The following ELL2 variants were observed in gnomAD, a reference collection of about 807,000 sequenced individuals.
ELL2 encodes the protein RNA polymerase II elongation factor ELL2.
Under a neutral mutation model 72.8 loss-of-function variants are expected in ELL2, and 21 were observed. The observed-to-expected ratio is 0.29, with a 90% CI of 0.20 to 0.42. The LOEUF (loss-of-function observed/expected upper bound fraction) is 0.42. Ranked by LOEUF, ELL2 falls within the 10% of genes least tolerant of loss-of-function variation. ELL2 has a pLI of 1.00. For synonymous variants in ELL2, 266 were observed against 283.2 expected, an observed-to-expected ratio of 0.94 and a Z score of 0.61; for missense variants, 568 against 772.8, an observed-to-expected ratio of 0.73 and a Z score of 3.14.
Position 95,961,668 on chromosome 5 carries a change from C to A in ELL2, c.54G>T (p.Ser18=). 1.2e-6 allele frequency: 2 copies of A among 1,609,144 alleles called. No homozygotes were observed. The highest frequency in any genetic ancestry group is 1.3e-5 in the African/African-American group (1 of 74,128). Reference sequence around the variant, plus strand: ...TGTTGTCCTGCCCCAGCCGTCCGCACGACAGCCCATAGCGCTGCTCCTCCC... The same window carrying A: ...TGTTGTCCTGCCCCAGCCGTCCGCAAGACAGCCCATAGCGCTGCTCCTCCC... The part of the protein sequence containing the change: ...GLREEQRYGL[S]CGRLGQDNIT... The change falls in exon 1 of 12, where the codon TCG becomes TCT. Residue 18 remains serine, a synonymous_variant. Transcript: ENST00000237853.
chr5:95,899,119 C>A (rs1420618924), intron 7 of ELL2, among the ~76,000 whole-genome samples: 3 of 152,148 alleles, frequency 2.0e-5, no homozygotes, highest in African/African-American at 7.2e-5. Flanking sequence ...TACAGCTTTA[C>A]CCTAAGTTCC....
At chr5:95,929,282 A>T (rs1481307922) in intron 2 of ELL2, among the ~76,000 whole-genome samples, 1 of 148,056 alleles carries the variant, frequency 6.8e-6, no homozygotes, top group African/African-American at 2.5e-5. Context: ...TTTTTGAGAC[A>T]GAGTCTCGCT....
chr5:95,930,115 T>C (rs1750544154), intron 2 of ELL2, among the ~76,000 whole-genome samples: 1 of 152,234 alleles, frequency 6.6e-6, no homozygotes, highest in African/African-American at 2.4e-5. Flanking sequence ...GTAATTCTTC[T>C]TGTCAAATAG....
At chr5:95,914,048 ATAAC>A in intron 3 of ELL2, 114 bp from the exon 4 acceptor site, 2 of 835,978 alleles carry the variant, frequency 2.4e-6, no homozygotes, top group Non-Finnish European at 3.4e-6. Context: ...CAATCCTAAA[ATAAC>A]TAATATTAAT....
At position 95,898,397 on chromosome 5, in the gene ELL2, T is replaced by C; in HGVS notation, c.1368A>G (p.Ser456=). The C allele has an allele frequency of 6.2e-7, 1 of 1,613,378 alleles. No homozygotes were observed. Among genetic ancestry groups the C allele is most frequent in the Non-Finnish European group, 8.5e-7 (1 of 1,179,866 alleles). Residue 456 remains serine, a synonymous_variant, in exon 8 of 12, where the codon TCA becomes TCG. Coordinates refer to ENST00000237853, the MANE Select transcript of ELL2 (RefSeq NM_012081.6). ...KCPKPMEENH[S]MSHKKSKKKS... ...TCTTTTTGGACTTTTTGTGAGACAT[T>C]GAATGGTTTTCTTCCATAGGCTTTG...
intron 1 of ELL2, among the ~76,000 whole-genome samples, chr5:95,958,219 C>T (rs1339125147): frequency 1.3e-5 from 2 of 152,158 alleles, no homozygotes; most frequent in Non-Finnish European, 2.9e-5. Flanking sequence ...AAACCTCTTC[C>T]CAATTAGCCA....
At chr5:95,917,079 G>T (rs1032811724) in intron 3 of ELL2, among the ~76,000 whole-genome samples, 1 of 152,172 alleles carries the variant, frequency 6.6e-6, no homozygotes, top group African/African-American at 2.4e-5. Context: ...AAATATTTTA[G>T]ACAAATGTAT....
intron 2 of ELL2, among the ~76,000 whole-genome samples, chr5:95,928,034 C>G (rs12514954): frequency 0.036 from 5,472 of 151,694 alleles, 174 homozygotes; most frequent in Admixed American, 0.074. Flanking sequence ...TTTAGAAGAA[C>G]ACAGGTGTCT....
chr5:95,926,459 C>A (rs1750284848), intron 2 of ELL2, among the ~76,000 whole-genome samples: 1 of 151,948 alleles, frequency 6.6e-6, no homozygotes, highest in Admixed American at 6.6e-5. Context: ...GCAGTTATCC[C>A]CAAAATTCAG....
At chr5:95,941,527 T>C (rs1242287206) in intron 2 of ELL2, among the ~76,000 whole-genome samples, 1 of 152,152 alleles carries the variant, frequency 6.6e-6, no homozygotes, top group Non-Finnish European at 1.5e-5. Context: ...CCTGCACATA[T>C]TGGTGCCCCA....
In ELL2 at chr5:95,919,565, G is replaced by A. The variant is rs1749968473; in HGVS notation, c.196-20C>T. 31 of 1,536,560 alleles carry A rather than the reference G, an allele frequency of 2.0e-5. No individual in the cohort carries two copies. The highest frequency in any genetic ancestry group is 2.7e-5 in the Non-Finnish European group (31 of 1,150,992). ...GACAAGCTAAAATGAGGGGAAAAGA[G>A]AGAAACGCCTCAAATTATAAATTTG... is the stretch of plus-strand genomic sequence containing the variant. On this transcript the variant is annotated intron_variant, in intron 2 of 11. Coordinates refer to ENST00000237853, the MANE Select transcript of ELL2 (RefSeq NM_012081.6).
In ELL2 at chr5:95,961,693, C is replaced by T. The variant is rs755518675; in HGVS notation, c.29G>A (p.Arg10Gln). The change falls in exon 1 of 12, where the codon CGG becomes CAG. Residue 10 changes from arginine to glutamine, a missense_variant. Arg to Gln is a conservative substitution (Grantham distance 43). Transcript: ENST00000237853. Reference protein sequence around the residue: MAAGGTGGLREEQRYGLSCG... With the variant: MAAGGTGGLQEEQRYGLSCG... ...CGACAGCCCATAGCGCTGCTCCTCCCGCAGGCCCCCTGTCCCCCCCGCCGC... is the reference window on the plus strand; with the variant it reads ...CGACAGCCCATAGCGCTGCTCCTCCTGCAGGCCCCCTGTCCCCCCCGCCGC... 1.1e-5 allele frequency: 17 copies of T among 1,604,604 alleles called. No individual in the cohort carries two copies. The highest frequency in any genetic ancestry group is 3.4e-5 in the Admixed American group (2 of 59,352).
At chr5:95,892,113 C>T (rs545229448) in intron 9 of ELL2, among the ~76,000 whole-genome samples, 3 of 151,876 alleles carry the variant, frequency 2.0e-5, no homozygotes, top group African/African-American at 7.2e-5. Context: ...TAAATTAAAA[C>T]AGCATTTTAT....
rs541632615 is a variant in ELL2 at position 95,885,152 on chromosome 5, C to A, written c.*3719G>T. The A allele has an allele frequency of 6.6e-6, 1 of 152,350 alleles. No individual in the cohort carries two copies. Among genetic ancestry groups the A allele is most frequent in the Non-Finnish European group, 1.5e-5 (1 of 68,036 alleles). The allele number at this position is 152,350 out of a possible 1,614,324, so 9.4% of individuals were successfully genotyped here. A position where few individuals can be genotyped will look rare whatever the true frequency, so the allele number is the denominator to read the frequency against. The stretch of plus-strand genomic sequence containing the variant: ...AATTGGTGTAGAACAGGGGCAACCA[C>A]AGCTGCTGAGCTCTGTAACAACTGA... On this transcript the variant is annotated 3_prime_UTR_variant, in exon 12 of 12. Transcript: ENST00000237853.
intron 1 of ELL2, among the ~76,000 whole-genome samples, chr5:95,943,354 G>C (rs903655938): frequency 5.9e-5 from 9 of 151,618 alleles, no homozygotes; most frequent in Non-Finnish European, 4.4e-5. Flanking sequence ...ACTTTCTTTT[G>C]CATGTTACTA....
intron 3 of ELL2, among the ~76,000 whole-genome samples, chr5:95,915,962 G>A (rs1749778274): frequency 6.6e-6 from 1 of 151,926 alleles, no homozygotes. Context: ...TAACTCATTT[G>A]TATTGCAGAA....
intron 1 of ELL2, among the ~76,000 whole-genome samples, chr5:95,945,158 T>C (rs1244230855): frequency 6.6e-6 from 1 of 152,214 alleles, no homozygotes; most frequent in Non-Finnish European, 1.5e-5. Context: ...AAACTCACAA[T>C]GGCAGCAAAT....
chr5:95,911,999 T>C (rs1749621841), intron 4 of ELL2, among the ~76,000 whole-genome samples: 1 of 152,154 alleles, frequency 6.6e-6, no homozygotes, highest in South Asian at 2.1e-4. Flanking sequence ...AGGGGAGGTA[T>C]AATTTGGTTC....
intron 3 of ELL2, among the ~76,000 whole-genome samples, chr5:95,914,744 C>T (rs895811675): frequency 1.4e-4 from 21 of 152,186 alleles, no homozygotes; most frequent in African/African-American, 4.6e-4. Flanking sequence ...AGTCAGGAGA[C>T]TGAAGTGGGA....
Sources: allele counts gnomAD v4.1 joint callset (sites outside exome capture counted in the v4.1 genomes callset), GRCh38; gene constraint gnomAD v4.1.1; transcripts MANE v1.5; gene names NCBI Gene and HGNC (gene_info 2026-07-23, HGNC 2026-07-21).